LOC128462377: variants seen among roughly 807,000 people sequenced by gnomAD.
the LOC128462377 span, among the ~76,000 whole-genome samples, chr16:89,331,264 C>T: frequency 6.6e-6 from 1 of 152,198 alleles, no homozygotes; most frequent in Admixed American, 6.5e-5. Context: ...TGATGAAATA[C>T]ATTCTTAATA....
chr16:89,332,209 A>C, the LOC128462377 span, among the ~76,000 whole-genome samples: 1 of 152,226 alleles, frequency 6.6e-6, no homozygotes, highest in Non-Finnish European at 1.5e-5. Flanking sequence ...TTACGTATTA[A>C]AGAATCCTCA....
chr16:89,341,558 A>T, the LOC128462377 span, among the ~76,000 whole-genome samples: 1 of 152,090 alleles, frequency 6.6e-6, no homozygotes, highest in Non-Finnish European at 1.5e-5. Flanking sequence ...AATAGAGGAT[A>T]ATGGCATAAA....
chr16:89,365,133 G>A, the LOC128462377 span, among the ~76,000 whole-genome samples: 2 of 152,150 alleles, frequency 1.3e-5, no homozygotes. Flanking sequence ...GACCATGTTT[G>A]CTTTCCTTTT....
chr16:89,373,199 A>C, the LOC128462377 span: 1 of 152,284 alleles, frequency 6.6e-6, no homozygotes, highest in Non-Finnish European at 1.5e-5. Flanking sequence ...TGGAAAACTA[A>C]GACGTTTACC....
At chr16:89,324,773 A>G in the LOC128462377 span, 6 of 298,660 alleles carry the variant, frequency 2.0e-5, no homozygotes, top group African/African-American at 1.3e-4. Flanking sequence ...CCACAGACTG[A>G]AAGCTGCGCT....
chr16:89,371,454 G>T, the LOC128462377 span, among the ~76,000 whole-genome samples: 1 of 152,222 alleles, frequency 6.6e-6, no homozygotes, highest in Admixed American at 6.5e-5. Context: ...GCCACAGAAG[G>T]GGCCGCTGAC....
chr16:89,338,849 T>C, the LOC128462377 span, among the ~76,000 whole-genome samples: 2 of 152,246 alleles, frequency 1.3e-5, no homozygotes, highest in South Asian at 4.2e-4. Flanking sequence ...TTCCCTTTCT[T>C]AGCTAAAAGG....
chr16:89,387,255 G>C, the LOC128462377 span, among the ~76,000 whole-genome samples: 1 of 152,084 alleles, frequency 6.6e-6, no homozygotes. Context: ...ATCTCTCAAG[G>C]GAGAGGCCTG....
the LOC128462377 span, among the ~76,000 whole-genome samples, chr16:89,357,018 A>G: frequency 6.6e-6 from 1 of 152,190 alleles, no homozygotes; most frequent in African/African-American, 2.4e-5. Context: ...CCCAATGCTA[A>G]TGGTTCAACA....
chr16:89,364,439 T>C, the LOC128462377 span, among the ~76,000 whole-genome samples: 1 of 152,202 alleles, frequency 6.6e-6, no homozygotes, highest in East Asian at 1.9e-4. Context: ...AGCTGAAATA[T>C]GGAAAGTTGT....
chr16:89,374,337 T>TAAA, the LOC128462377 span, among the ~76,000 whole-genome samples: 89 of 148,984 alleles, frequency 6.0e-4, no homozygotes, highest in African/African-American at 2.1e-3. Context: ...TGTGTTTTTG[T>TAAA]AAAAAAAATA....
the LOC128462377 span, among the ~76,000 whole-genome samples, chr16:89,321,467 G>GGCGGA: frequency 6.7e-6 from 1 of 150,374 alleles, no homozygotes; most frequent in African/African-American, 2.5e-5. Flanking sequence ...TGCGGGGCGG[G>GGCGGA]GACTGTGGGG....
chr16:89,416,241 G>T, the LOC128462377 span, among the ~76,000 whole-genome samples: 2 of 152,098 alleles, frequency 1.3e-5, no homozygotes, highest in African/African-American at 4.8e-5. Flanking sequence ...GGTCCTGTCA[G>T]CAGAGTTGCT....
the LOC128462377 span, among the ~76,000 whole-genome samples, chr16:89,403,095 C>T: frequency 6.6e-5 from 10 of 152,194 alleles, no homozygotes; most frequent in South Asian, 2.1e-4. Context: ...CATCACTGCA[C>T]GTGGACACAT....
chr16:89,322,018 G>A, the LOC128462377 span, among the ~76,000 whole-genome samples: 1 of 152,212 alleles, frequency 6.6e-6, no homozygotes, highest in African/African-American at 2.4e-5. Flanking sequence ...CTAACAGTAA[G>A]AGCAGAACAC....
At chr16:89,402,024 GT>G in the LOC128462377 span, among the ~76,000 whole-genome samples, 1 of 150,648 alleles carries the variant, frequency 6.6e-6, no homozygotes, top group African/African-American at 2.5e-5. Flanking sequence ...GATCCTTGCT[GT>G]GAAAGCTCCT....
the LOC128462377 span, among the ~76,000 whole-genome samples, chr16:89,354,898 C>T: frequency 1.3e-5 from 2 of 152,106 alleles, no homozygotes; most frequent in South Asian, 4.1e-4. Flanking sequence ...CAAACAAAGG[C>T]TGTGAGTGGC....
chr16:89,380,929 G>A, the LOC128462377 span, among the ~76,000 whole-genome samples: 314 of 152,316 alleles, frequency 2.1e-3, 3 homozygotes, highest in African/African-American at 6.8e-3. Flanking sequence ...GACGGAGCAC[G>A]CATCCCTGCT....
chr16:89,409,015 C>T, the LOC128462377 span, among the ~76,000 whole-genome samples: 4 of 152,240 alleles, frequency 2.6e-5, no homozygotes, highest in East Asian at 7.7e-4. Context: ...GGGAGCAAAA[C>T]CAAAAAGAGC....
Sources: allele counts gnomAD v4.1 joint callset (sites outside exome capture counted in the v4.1 genomes callset), GRCh38; gene constraint gnomAD v4.1.1; transcripts MANE v1.5.